Variants in SORBS2 observed in about 807,000 individuals in gnomAD.
The protein encoded by SORBS2 is sorbin and SH3 domain containing 2, also known as sorbin and SH3 domain-containing protein 2.
In SORBS2, 46 loss-of-function variants were observed where a neutral mutation model predicts 97.7. That is an observed-to-expected ratio of 0.47 (90% CI 0.37 to 0.60). SORBS2 has a LOEUF of 0.60. Ranked by LOEUF, SORBS2 falls within the 20% of genes least tolerant of loss-of-function variation. The pLI, the probability that SORBS2 is intolerant of heterozygous loss-of-function variation, is 0.00. For synonymous variants in SORBS2, 476 were observed against 473.4 expected (o/e 1.01, Z -0.07); for missense variants, 1,316 against 1,282.3 (o/e 1.03, Z -0.40).
intron 2 of SORBS2, among the ~76,000 whole-genome samples, chr4:185,702,626 G>T (rs1294976957): frequency 6.6e-6 from 1 of 151,924 alleles, no homozygotes; most frequent in Admixed American, 6.6e-5. Context: ...TGTTTTAGGG[G>T]ACTTCCAGGT....
At chr4:185,719,076 T>TA (rs35970206) in intron 2 of SORBS2, among the ~76,000 whole-genome samples, 32,899 of 151,702 alleles carry the variant, frequency 0.22, 4,191 homozygotes, top group Non-Finnish European at 0.29. Flanking sequence ...AATCTGGTTT[T>TA]AAAAAAAAAT....
chr4:185,690,552 G>C lies in SORBS2; in HGVS notation c.-197-11730C>G. The C allele has an allele frequency of 6.6e-7, 1 of 1,514,132 alleles. No individual in the cohort carries two copies. Among genetic ancestry groups the C allele is most frequent in the Non-Finnish European group, 8.9e-7 (1 of 1,121,310 alleles). The allele number at this position is 1,514,132 out of a possible 1,614,324, so 93.8% of individuals were successfully genotyped here. A position where few individuals can be genotyped will look rare whatever the true frequency, so the allele number is the denominator to read the frequency against. ...AGGCTAAAAGAGTTTAAAACTAACA[G>C]ACAGCATACCTGTGTTCATTTTCAC... On this transcript the variant is annotated intron_variant, in intron 2 of 20. Transcript: ENST00000284776.
intron 4 of SORBS2, 152 bp downstream of exon 16, chr4:185,635,203 A>G (rs2096974652): frequency 9.7e-6 from 6 of 619,230 alleles, no homozygotes; most frequent in Non-Finnish European, 1.7e-5. Context: ...ATGTCCAGGC[A>G]ATGATACTGG....
chr4:185,641,449 A>C (rs528339739), intron 4 of SORBS2, among the ~76,000 whole-genome samples: 24 of 152,308 alleles, frequency 1.6e-4, no homozygotes, highest in African/African-American at 5.5e-4. Flanking sequence ...GTCATGCAAT[A>C]ATTAAATGTC....
rs2097072099 is a variant in SORBS2 at position 185,638,729 on chromosome 4, C to G, written c.396+7939G>C. On this transcript the variant is annotated intron_variant, in intron 4 of 14. Transcript: ENST00000418609. Reference sequence around the variant, plus strand: ...GAGGGGGACAGGGCATTGGGGGGCTCTCAGGGGCCTGTGGATGAGAAGATT... The same window carrying G: ...GAGGGGGACAGGGCATTGGGGGGCTGTCAGGGGCCTGTGGATGAGAAGATT... The G allele has an allele frequency of 1.8e-5, 12 of 670,180 alleles. No individual in the cohort carries two copies. The South Asian group carries it at 3.4e-4, about 19-fold the overall frequency. The allele number at this position is 670,180 out of a possible 1,614,324, so 41.5% of individuals were successfully genotyped here.
chr4:185,922,307 G>A (rs756424664), intron 1 of SORBS2, among the ~76,000 whole-genome samples: 14 of 152,098 alleles, frequency 9.2e-5, no homozygotes, highest in Non-Finnish European at 1.5e-4. Flanking sequence ...TCATTGGAGT[G>A]CATCACTCAG....
chr4:185,868,518 C>T (rs1174979368), intron 1 of SORBS2, among the ~76,000 whole-genome samples: 1 of 152,000 alleles, frequency 6.6e-6, no homozygotes, highest in East Asian at 1.9e-4. Context: ...GGGATTAGTG[C>T]TAGGTTGAGG....
chr4:185,738,478 G>A (rs192793370), intron 2 of SORBS2, among the ~76,000 whole-genome samples: 5 of 152,266 alleles, frequency 3.3e-5, no homozygotes, highest in Admixed American at 2.0e-4. Context: ...GGCAAGTTTC[G>A]AAATATTTTT....
chr4:185,604,369 T>C (rs2096355173), intron 12 of SORBS2, among the ~76,000 whole-genome samples: 1 of 152,144 alleles, frequency 6.6e-6, no homozygotes. Flanking sequence ...ATTGATCTCC[T>C]GTTGATAAGA....
chr4:185,825,108 C>T (rs1221450642), intron 1 of SORBS2, among the ~76,000 whole-genome samples: 1 of 152,172 alleles, frequency 6.6e-6, no homozygotes, highest in Non-Finnish European at 1.5e-5. Context: ...CTTCAGACCA[C>T]CAGTAATCTA....
At chr4:185,677,128 G>A (rs958725169) in intron 4 of SORBS2, 1 of 1,551,684 alleles carries the variant, frequency 6.4e-7, no homozygotes, top group East Asian at 2.4e-5. Flanking sequence ...TGTCCTGAAA[G>A]GGGAGCTATC....
chr4:185,647,811 C>T (rs1011374181), intron 3 of SORBS2, among the ~76,000 whole-genome samples: 2 of 152,070 alleles, frequency 1.3e-5, no homozygotes, highest in African/African-American at 2.4e-5. Flanking sequence ...GAGTTTTGAG[C>T]ATTACATGAG....
At chr4:185,897,242 GAC>G (rs1355846223) in intron 1 of SORBS2, among the ~76,000 whole-genome samples, 1 of 152,136 alleles carries the variant, frequency 6.6e-6, no homozygotes, top group Non-Finnish European at 1.5e-5. Context: ...TGGCGATAAA[GAC>G]ACTCTCTGAC....
intron 2 of SORBS2, among the ~76,000 whole-genome samples, chr4:185,736,045 C>T (rs2098684977): frequency 1.3e-5 from 2 of 152,102 alleles, no homozygotes; most frequent in African/African-American, 4.8e-5. Flanking sequence ...TGGACAGGTG[C>T]CAAGTCACCC....
At chr4:185,630,403 C>T (rs1055002820) in intron 5 of SORBS2, 146 bp downstream of exon 17, 51 of 434,958 alleles carry the variant, frequency 1.2e-4, no homozygotes, top group Admixed American at 6.9e-4. Context: ...GATGCTGAAA[C>T]AAAATAAAAC....
At chr4:185,946,315 A>G (rs1378150) in intron 1 of SORBS2, among the ~76,000 whole-genome samples, 27,828 of 152,168 alleles carry the variant, frequency 0.18, 2,775 homozygotes, top group African/African-American at 0.25. Context: ...GAAACCTATC[A>G]CAAGGTTATT....
intron 1 of SORBS2, among the ~76,000 whole-genome samples, chr4:185,857,939 CTTGCCTTGTGATCTTGCTCTGCCT>C (rs1274988746): frequency 1.3e-5 from 2 of 152,174 alleles, no homozygotes; most frequent in East Asian, 3.8e-4. Context: ...TAATTTTGCC[CTTGCCTTGTGATCTTGCTCTGCCT>C]TTGCCTTGTG....
chr4:185,907,432 G>T (rs2099251644), intron 1 of SORBS2, among the ~76,000 whole-genome samples: 1 of 152,128 alleles, frequency 6.6e-6, no homozygotes, highest in South Asian at 2.1e-4. Context: ...TTCTCCTGAG[G>T]AGGTGTTATT....
intron 1 of SORBS2, among the ~76,000 whole-genome samples, chr4:185,897,763 G>A (rs908347093): frequency 5.3e-5 from 8 of 152,308 alleles, no homozygotes; most frequent in South Asian, 2.1e-4. Flanking sequence ...TAGGCTGGGT[G>A]CAGTGGCTCA....
Sources: gnomAD v4.1 joint callset for allele counts (sites outside exome capture counted in the v4.1 genomes callset) on GRCh38, gnomAD v4.1.1 for gene constraint, MANE v1.5 for transcripts, NCBI Gene and HGNC (gene_info 2026-07-23, HGNC 2026-07-21) for gene names.